The following CCDC51 variants were observed in gnomAD, a reference collection of about 807,000 sequenced individuals.
CCDC51 encodes the protein mitochondrial potassium channel.
A neutral mutation model predicts 24.8 loss-of-function variants in CCDC51; 25 were observed. The ratio of observed to expected loss-of-function variants is 1.01; its 90% CI spans 0.73 to 1.41. The LOEUF (loss-of-function observed/expected upper bound fraction) is 1.41, where lower values mean the gene tolerates loss of function less well. CCDC51 is among the 40% of genes most tolerant of loss of function. CCDC51 has a pLI of 0.00. For missense variants in CCDC51, 466 were observed against 519.1 expected, an observed-to-expected ratio of 0.90 and a Z score of 0.99; for synonymous variants, 190 against 204.3, an observed-to-expected ratio of 0.93 and a Z score of 0.60.
chr3:48,443,405 G>A (rs1418172249), upstream of CCDC51, among the ~76,000 whole-genome samples: 1 of 151,988 alleles, frequency 6.6e-6, no homozygotes, highest in African/African-American at 2.4e-5. Context: ...AAATTAGCCA[G>A]GGCTTGTGGT....
At chr3:48,445,609 T>G in the CCDC51 span, among the ~76,000 whole-genome samples, 5 of 152,252 alleles carry the variant, frequency 3.3e-5, no homozygotes, top group African/African-American at 1.2e-4. Context: ...ACCAGAGTCC[T>G]GCAGCAATTA....
rs528459828 is a variant in CCDC51, at chr3:48,434,073, G to A, written c.313-202C>T. On this transcript the variant is annotated intron_variant, in intron 2 of 3. Coordinates refer to ENST00000395694, the MANE Select transcript of CCDC51 (RefSeq NM_001256964.2). ...TGGGCCACACCCATCAGAATCACGA[G>A]ATTTAGCCATTCAAGCAGAAATAAC... The A allele has an allele frequency of 5.3e-5, 63 of 1,197,694 alleles. No individual in the cohort carries two copies. In the African/African-American group the frequency reaches 6.0e-4, roughly 11 times the overall value. 74.2% of individuals were successfully genotyped at this position (1,197,694 alleles called of 1,614,324 possible). A position where few individuals can be genotyped will look rare whatever the true frequency, so the allele number is the denominator to read the frequency against.
upstream of CCDC51, chr3:48,440,574 G>A (rs781704300): frequency 8.7e-6 from 14 of 1,611,884 alleles, no homozygotes; most frequent in South Asian, 2.2e-5. Flanking sequence ...ACAAAAAGAG[G>A]AGCAGAAGAA....
chr3:48,442,435 G>A (rs913486385), upstream of CCDC51, among the ~76,000 whole-genome samples: 10 of 149,800 alleles, frequency 6.7e-5, no homozygotes, highest in Admixed American at 2.0e-4. Context: ...CCTGTATTAG[G>A]CATATGTAAC....
chr3:48,434,785 G>T (rs1321383681), intron 2 of CCDC51, 32 bp downstream of exon 2: 3 of 1,551,046 alleles, frequency 1.9e-6, no homozygotes, highest in Non-Finnish European at 1.8e-6. Context: ...AAGTCAGAGG[G>T]CGGGGCCAGC....
Position 48,433,756 on chromosome 3 carries a change from T to C in CCDC51, c.428A>G (p.Glu143Gly), listed in dbSNP as rs751370098. Reference protein sequence around the residue: ...VRDRLDRVSREDSQYLELATL... With the variant: ...VRDRLDRVSRGDSQYLELATL... ...AGCCAGTTCCAAGTACTGACTGTCC[T>C]CCCTGGAGACACGGTCCAAGCGGTC... Residue 143 changes from glutamate (E) to glycine (G), a missense_variant, in exon 3 of 4, where the codon GAG (glutamate) becomes GGG (glycine). Transcript: ENST00000395694. The surrounding 1 kb of genome is among the most constrained non-coding windows in gnomAD (Gnocchi z 4.4). 1.2e-6 allele frequency: 2 copies of C among 1,614,046 alleles called. No homozygotes were observed. The highest frequency in any genetic ancestry group is 1.7e-6 in the Non-Finnish European group (2 of 1,179,988).
rs1390954993 is a variant in CCDC51, at chr3:48,433,724, C to T, written c.460G>A (p.Glu154Lys). The T allele has an allele frequency of 6.2e-6, 10 of 1,613,568 alleles. No homozygotes were observed. The highest frequency in any genetic ancestry group is 1.7e-5 in the Admixed American group (1 of 59,968). The change falls in exon 3 of 4, where the codon GAG (glutamate) becomes AAG (lysine). Residue 154 changes from glutamate (E) to lysine (K), a missense_variant. Physicochemically the swap from Glu to Lys is moderately conservative, Grantham distance 56. Transcript: ENST00000395694. This position sits in a 1 kb window ranked among gnomAD's most constrained non-coding sequence, Gnocchi z 4.4. ...GTGCCTACCTGCAGCATCCTGTGCT[C>T]GAGAGTAGCCAGTTCCAAGTACTGA... ...DSQYLELATL[E>K]HRMLQEEKRL... is the part of the protein sequence containing the mutation.
chr3:48,439,404 C>T (rs536611634), intron 1 of CCDC51, among the ~76,000 whole-genome samples: 2 of 152,246 alleles, frequency 1.3e-5, no homozygotes, highest in East Asian at 1.9e-4. Flanking sequence ...GAGGCTGAGG[C>T]GGGGGGATCA....
chr3:48,443,275 C>T (rs4490383), upstream of CCDC51, among the ~76,000 whole-genome samples: 81,998 of 144,056 alleles, frequency 0.57, 23,329 homozygotes, highest in East Asian at 0.7. Flanking sequence ...ATGCTGGGGT[C>T]GGTGGCTCAC....
upstream of CCDC51, among the ~76,000 whole-genome samples, chr3:48,441,557 C>A (rs2039569115): frequency 6.7e-6 from 1 of 149,488 alleles, no homozygotes; most frequent in African/African-American, 2.5e-5. Context: ...CTTTTTACTT[C>A]TGGGTATGCC....
In CCDC51 at chr3:48,432,407, G is replaced by T; in HGVS notation, c.*1C>A. On this transcript the variant is annotated 3_prime_UTR_variant, in exon 4 of 4. Transcript: ENST00000395694. ...AGACCCTCTGGAGGAGGGGCCAGGG[G>T]TTAGCTGGCTTTGAATAGCATGTAG... 6.2e-7 allele frequency: 1 copy of T among 1,613,934 alleles called. No homozygotes were observed. Among genetic ancestry groups the T allele is most frequent in the Non-Finnish European group, 8.5e-7 (1 of 1,179,784 alleles).
upstream of CCDC51, among the ~76,000 whole-genome samples, chr3:48,443,627 A>G (rs1347403233): frequency 6.6e-6 from 1 of 152,064 alleles, no homozygotes; most frequent in Non-Finnish European, 1.5e-5. Flanking sequence ...ACAGAAGTGT[A>G]GATCTAGACC....
rs759150853 is a variant in CCDC51, at chr3:48,433,887, C to T, written c.313-16G>A. ...CTTTCTCAGCCTGCAAAGAGAAAACCGGAGGCCATCTGCACCTTCTCTCCA... is the reference window on the plus strand; with the variant it reads ...CTTTCTCAGCCTGCAAAGAGAAAACTGGAGGCCATCTGCACCTTCTCTCCA... On this transcript the variant is annotated splice_polypyrimidine_tract_variant and intron_variant, in intron 2 of 3. Coordinates refer to ENST00000395694, the MANE Select transcript of CCDC51 (RefSeq NM_001256964.2). This position sits in a 1 kb window ranked among gnomAD's most constrained non-coding sequence, Gnocchi z 4.4. The T allele has an allele frequency of 4.8e-5, 78 of 1,609,610 alleles. No homozygotes were observed. The highest frequency in any genetic ancestry group is 6.0e-5 in the Non-Finnish European group (71 of 1,177,460).
upstream of CCDC51, chr3:48,440,504 G>A (rs776526349): frequency 2.5e-6 from 4 of 1,604,758 alleles, no homozygotes; most frequent in East Asian, 2.2e-5. Flanking sequence ...GGCGCTGGGA[G>A]ACAGGCCTGA....
Position 48,440,069 on chromosome 3 carries a change from TG to T in CCDC51, c.-91del. The T allele has an allele frequency of 1.4e-6, 1 of 696,000 alleles. No individual in the cohort carries two copies. Among genetic ancestry groups the T allele is most frequent in the Non-Finnish European group, 2.3e-6 (1 of 434,432 alleles). The allele number at this position is 696,000 out of a possible 1,614,324, so 43.1% of individuals were successfully genotyped here. Reference sequence around the variant, plus strand: ...CCCTCCTACGGTTCCGATTCTACCCTGGCAGGACAACCCTAGCTCCTCGTAC... The same window carrying T: ...CCCTCCTACGGTTCCGATTCTACCCTGCAGGACAACCCTAGCTCCTCGTAC... On this transcript the variant is annotated 5_prime_UTR_variant, in exon 1 of 4. Transcript: ENST00000395694.
upstream of CCDC51, among the ~76,000 whole-genome samples, chr3:48,442,846 A>C (rs2107170654): frequency 6.6e-6 from 1 of 152,280 alleles, no homozygotes; most frequent in South Asian, 2.1e-4. Context: ...CATAATATGG[A>C]AGGTAGTGTA....
rs1000824087 is a variant in CCDC51, at chr3:48,437,140, C to T, written c.-8-2004G>A. ...GCTCACCCCGACATCTTCATCTTTG[C>T]CCAAATATCACCTCTCAGTAAGGCT... On this transcript the variant is annotated intron_variant, in intron 1 of 3. Transcript: ENST00000395694. The surrounding 1 kb of genome is among the most constrained non-coding windows in gnomAD (Gnocchi z 4.2). 6.6e-6 allele frequency among the ~76,000 whole-genome samples: 1 copy of T among 152,214 alleles called. No homozygotes were observed. Among genetic ancestry groups the T allele is most frequent in the African/African-American group, 2.4e-5 (1 of 41,446 alleles).
chr3:48,440,131 G>T, upstream of CCDC51: 1 of 1,141,632 alleles, frequency 8.8e-7, no homozygotes, highest in South Asian at 1.6e-5. Context: ...CCACTCAGTT[G>T]ACCTCTGACC....
chr3:48,445,182 A>T (rs894266269), upstream of CCDC51: 7 of 101,170 alleles, frequency 6.9e-5, no homozygotes, highest in Admixed American at 8.5e-4. Flanking sequence ...TTAAAAAAAA[A>T]AAATTAATTC....
Sources: allele counts gnomAD v4.1 joint callset (sites outside exome capture counted in the v4.1 genomes callset), GRCh38; gene constraint gnomAD v4.1.1; non-coding constraint Gnocchi (gnomAD v3.1); transcripts MANE v1.5; gene names NCBI Gene and HGNC (gene_info 2026-07-23, HGNC 2026-07-21).